Variants in CAVIN1 observed in about 807,000 individuals in gnomAD.
The protein encoded by CAVIN1 is caveolae associated protein 1, also known as caveolae-associated protein 1.
A neutral mutation model predicts 24.0 loss-of-function variants in CAVIN1; 16 were observed. That is an observed-to-expected ratio of 0.67 (90% confidence interval 0.45 to 1.01). The LOEUF (loss-of-function observed/expected upper bound fraction) is 1.01, where lower values mean the gene tolerates loss of function less well. CAVIN1 is among the 50% of genes least tolerant of loss of function. CAVIN1 has a pLI of 0.00. For missense variants in CAVIN1, 510 were observed against 551.7 expected (o/e 0.92, Z 0.76); for synonymous variants, 256 against 256.4 (o/e 1.00, Z 0.02).
intron 1 of CAVIN1, among the ~76,000 whole-genome samples, chr17:42,416,414 G>A (rs1219022990): frequency 6.6e-6 from 1 of 151,108 alleles, no homozygotes; most frequent in Non-Finnish European, 1.5e-5. Context: ...AAAGAAGAAG[G>A]AAAGAAGGCC....
Position 42,412,829 on chromosome 17 carries a change from C to T in CAVIN1, c.472-7441G>A, listed in dbSNP as rs1275937589. The stretch of plus-strand genomic sequence containing the variant: ...ACCGGGTTTCACTGTGTTGGCCAGG[C>T]TGGTCTTGAACTCCTGGCCTCAAGC... On this transcript the variant is annotated intron_variant, in intron 1 of 1. Transcript: ENST00000357037. Among the ~76,000 whole-genome samples the T allele has an allele frequency of 2.6e-5, 4 of 151,664 alleles. No individual in the cohort carries two copies. In the East Asian group the frequency reaches 7.7e-4, roughly 29 times the overall value.
At chr17:42,405,682 GTTTTTTTTTT>G (rs531661585) in intron 1 of CAVIN1, among the ~76,000 whole-genome samples, 30 of 57,820 alleles carry the variant, frequency 5.2e-4, no homozygotes, top group East Asian at 2.2e-3. Context: ...CTCTCTCCTT[GTTTTTTTTTT>G]TTTTTTTTTT....
chr17:42,419,579 G>A (rs546011627), intron 1 of CAVIN1, among the ~76,000 whole-genome samples: 2 of 152,228 alleles, frequency 1.3e-5, no homozygotes, highest in South Asian at 4.2e-4. Flanking sequence ...CTAAAGTGCT[G>A]GGATTACAGG....
In CAVIN1 at chr17:42,405,287, C is replaced by G. The variant is rs1422538557; in HGVS notation, c.573G>C (p.Arg191=). 1.2e-6 allele frequency: 2 copies of G among 1,612,800 alleles called. No individual in the cohort carries two copies. The highest frequency in any genetic ancestry group is 3.3e-5 in the Admixed American group (2 of 60,014). ...KEGEELGEGE[R]PEEDAAALEL... ...CCAGCGCCGCTGCGTCCTCCTCGGG[C>G]CGCTCGCCCTCGCCCAGCTCCTCGC... Residue 191 remains arginine, a synonymous_variant, in exon 2 of 2, where the codon CGG becomes CGC. Transcript: ENST00000357037.
At chr17:42,408,251 C>T (rs936793305) in intron 1 of CAVIN1, among the ~76,000 whole-genome samples, 1 of 152,002 alleles carries the variant, frequency 6.6e-6, no homozygotes, top group African/African-American at 2.4e-5. Flanking sequence ...CCCCAGCATC[C>T]CCCGCTTCTC....
At chr17:42,422,019 G>T (rs887210373) in intron 1 of CAVIN1, among the ~76,000 whole-genome samples, 5 of 152,242 alleles carry the variant, frequency 3.3e-5, no homozygotes, top group Admixed American at 1.3e-4. Flanking sequence ...GCAGCGAGGG[G>T]ACAGGGGTGG....
chr17:42,418,863 C>CA (rs1483216090), intron 1 of CAVIN1, among the ~76,000 whole-genome samples: 7 of 150,372 alleles, frequency 4.7e-5, no homozygotes, highest in African/African-American at 1.7e-4. Context: ...ATTATGTATC[C>CA]ATAGTAATTA....
At chr17:42,411,400 T>C (rs1184021816) in intron 1 of CAVIN1, 27 of 984,130 alleles carry the variant, frequency 2.7e-5, no homozygotes, top group Non-Finnish European at 3.1e-5. Flanking sequence ...AAAAAAATTT[T>C]TTTAACATTT....
intron 1 of CAVIN1, among the ~76,000 whole-genome samples, chr17:42,415,589 T>C (rs567172284): frequency 8.5e-5 from 13 of 152,196 alleles, no homozygotes; most frequent in African/African-American, 3.1e-4. Context: ...TGCATGTCTG[T>C]AGTCCTAGCT....
At chr17:42,416,152 G>C (rs1053725536) in intron 1 of CAVIN1, among the ~76,000 whole-genome samples, 4 of 152,130 alleles carry the variant, frequency 2.6e-5, no homozygotes, top group Non-Finnish European at 4.4e-5. Flanking sequence ...TGGATCACCT[G>C]AGGTCAGGAG....
At chr17:42,408,250 C>G (rs1373425953) in intron 1 of CAVIN1, among the ~76,000 whole-genome samples, 1 of 151,934 alleles carries the variant, frequency 6.6e-6, no homozygotes, top group Non-Finnish European at 1.5e-5. Context: ...CCCCCAGCAT[C>G]CCCCGCTTCT....
chr17:42,416,148 A>G (rs905474628), intron 1 of CAVIN1, among the ~76,000 whole-genome samples: 1 of 152,004 alleles, frequency 6.6e-6, no homozygotes, highest in African/African-American at 2.4e-5. Flanking sequence ...CAGGTGGATC[A>G]CCTGAGGTCA....
chr17:42,405,234 A>G lies in CAVIN1; in HGVS notation c.626T>C (p.Val209Ala). Residue 209 changes from valine (V) to alanine (A), a missense_variant, in exon 2 of 2, where the codon GTT (valine) becomes GCT (alanine). Transcript: ENST00000357037. ...LELSSDEAVEVEEVIEESRAE... is the reference protein window; with the variant it reads ...LELSSDEAVEAEEVIEESRAE... The stretch of plus-strand genomic sequence containing the variant: ...GCGGGACTCCTCAATAACCTCCTCA[A>G]CCTCCACCGCCTCGTCCGACGAAAG... The G allele has an allele frequency of 6.2e-7, 1 of 1,610,520 alleles. No individual in the cohort carries two copies. Among genetic ancestry groups the G allele is most frequent in the Middle Eastern group, 1.7e-4 (1 of 6,056 alleles).
chr17:42,421,014 TTAGAC>T (rs757148038), intron 1 of CAVIN1, among the ~76,000 whole-genome samples: 3 of 152,096 alleles, frequency 2.0e-5, no homozygotes, highest in Admixed American at 6.6e-5. Context: ...CTCCAAGCAG[TTAGAC>T]TAAGTGGAAA....
At chr17:42,414,497 T>C (rs2085500045) in intron 1 of CAVIN1, among the ~76,000 whole-genome samples, 1 of 151,962 alleles carries the variant, frequency 6.6e-6, no homozygotes, top group Non-Finnish European at 1.5e-5. Flanking sequence ...CCTCAACTTA[T>C]TGAGTAGCTG....
chr17:42,421,790 C>T (rs1410287885), intron 1 of CAVIN1, among the ~76,000 whole-genome samples: 1 of 152,136 alleles, frequency 6.6e-6, no homozygotes, highest in South Asian at 2.1e-4. Flanking sequence ...CTGGCCCCCG[C>T]CCCCGCAGGC....
rs963856013 is a variant in CAVIN1, at chr17:42,422,586, G to A, written c.471+41C>T. 2.4e-5 allele frequency: 36 copies of A among 1,489,264 alleles called. No homozygotes were observed. The African/African-American group carries it at 4.5e-4, about 18-fold the overall frequency. The allele number at this position is 1,489,264 out of a possible 1,614,324, so 92.3% of individuals were successfully genotyped here. ...AACTCCCAGGCAGGGGACGCGGGCC[G>A]GGCGCGGGAGCTCTGGGCGCCTTCC... On this transcript the variant is annotated intron_variant, in intron 1 of 1. Transcript: ENST00000357037.
chr17:42,404,924 C>A lies in CAVIN1; in HGVS notation c.936G>T (p.Lys312Asn). The A allele has an allele frequency of 6.2e-7, 1 of 1,614,102 alleles. No homozygotes were observed. The highest frequency in any genetic ancestry group is 1.1e-5 in the South Asian group (1 of 91,084). Residue 312 changes from lysine to asparagine, a missense_variant, in exon 2 of 2, where the codon AAG (lysine) becomes AAT (asparagine). Transcript: ENST00000357037. ...AGGGTGGCACCTTGTAGACCGCGGTCTTGGAGCGCGCGTACACCACGTGGT... is the reference window on the plus strand; with the variant it reads ...AGGGTGGCACCTTGTAGACCGCGGTATTGGAGCGCGCGTACACCACGTGGT... ...TPDHVVYARS[K>N]TAVYKVPPFT...
At chr17:42,411,887 C>T (rs1169002263) in intron 1 of CAVIN1, 7 of 985,340 alleles carry the variant, frequency 7.1e-6, no homozygotes, top group Non-Finnish European at 7.2e-6. Flanking sequence ...TTCTCCTGAA[C>T]TTTGCATAAC....
Sources: gnomAD v4.1 joint callset for allele counts (sites outside exome capture counted in the v4.1 genomes callset) on GRCh38, gnomAD v4.1.1 for gene constraint, MANE v1.5 for transcripts, NCBI Gene and HGNC (gene_info 2026-07-23, HGNC 2026-07-21) for gene names.